CSRNP3: variants seen among roughly 807,000 people sequenced by gnomAD.
The protein encoded by CSRNP3 is cysteine/serine-rich nuclear protein 3.
A neutral mutation model predicts 48.0 loss-of-function variants in CSRNP3; 12 were observed. The ratio of observed to expected loss-of-function variants is 0.25; its 90% CI spans 0.16 to 0.41. The LOEUF (loss-of-function observed/expected upper bound fraction) is 0.41, where lower values mean the gene tolerates loss of function less well. CSRNP3 is among the 10% of genes least tolerant of loss of function. The probability of loss-of-function intolerance (pLI) is 1.00; values close to 1 mark genes in which losing one functional copy is unlikely to be tolerated. For synonymous variants in CSRNP3, 263 were observed against 269.7 expected (o/e 0.98, Z 0.24); for missense variants, 580 against 724.4 (o/e 0.80, Z 2.29).
chr2:165,658,093 T>C (rs1687036479), intron 5 of CSRNP3, 73 bp downstream of exon 5: 25 of 1,490,898 alleles, frequency 1.7e-5, no homozygotes, highest in Non-Finnish European at 2.3e-5. Flanking sequence ...CATTTTCATA[T>C]TTATAATCAC....
intron 2 of CSRNP3, among the ~76,000 whole-genome samples, chr2:165,501,563 G>C (rs551804677): frequency 6.6e-6 from 1 of 152,092 alleles, no homozygotes; most frequent in Non-Finnish European, 1.5e-5. Context: ...TCAGAATAGC[G>C]AGTGTTATTG....
At chr2:165,495,930 G>T (rs1207437967) in intron 2 of CSRNP3, among the ~76,000 whole-genome samples, 1 of 151,764 alleles carries the variant, frequency 6.6e-6, no homozygotes, top group African/African-American at 2.4e-5. Flanking sequence ...AGCCGATATG[G>T]CACATGTATA....
At position 165,657,828 on chromosome 2, in the gene CSRNP3, G is replaced by A. The variant is rs1687030897; in HGVS notation, c.216G>A (p.Val72=). The change falls in exon 5 of 7, where the codon GTG becomes GTA. Residue 72 remains valine (V), a synonymous_variant. Transcript: ENST00000651982. ...ATGTACATTTTAGTTGTGTCACCGT[G>A]TACTACTTCACCAGGAGGCAAGGCT... ...TKNVHFSCVT[V]YYFTRRQGFT... is the part of the protein sequence containing the mutation. The A allele has an allele frequency of 6.2e-7, 1 of 1,614,096 alleles. No individual in the cohort carries two copies. Among genetic ancestry groups the A allele is most frequent in the Non-Finnish European group, 8.5e-7 (1 of 1,180,018 alleles).
chr2:165,597,632 T>C (rs1685834866), intron 4 of CSRNP3, among the ~76,000 whole-genome samples: 1 of 152,118 alleles, frequency 6.6e-6, no homozygotes, highest in African/African-American at 2.4e-5. Flanking sequence ...TTAAACTTAT[T>C]TGCTATTTAA....
chr2:165,618,898 G>A (rs1686293810), intron 4 of CSRNP3, among the ~76,000 whole-genome samples: 1 of 152,190 alleles, frequency 6.6e-6, no homozygotes, highest in African/African-American at 2.4e-5. Context: ...TTTTAATTAT[G>A]TGGTGTGAAT....
chr2:165,536,660 T>G (rs1278958234), intron 3 of CSRNP3, among the ~76,000 whole-genome samples: 3 of 151,864 alleles, frequency 2.0e-5, no homozygotes, highest in African/African-American at 7.2e-5. Flanking sequence ...CTCAATGCAG[T>G]GAATAGAAAA....
intron 4 of CSRNP3, among the ~76,000 whole-genome samples, chr2:165,628,519 T>A (rs1434805725): frequency 1.3e-5 from 2 of 150,996 alleles, no homozygotes; most frequent in African/African-American, 4.9e-5. Flanking sequence ...AGGTCAGGAG[T>A]TCAAGACCAG....
At chr2:165,641,425 A>G (rs1012596835) in intron 4 of CSRNP3, among the ~76,000 whole-genome samples, 2 of 152,250 alleles carry the variant, frequency 1.3e-5, no homozygotes, top group Non-Finnish European at 2.9e-5. Context: ...TGGGAACAGT[A>G]ATAGTCCTTT....
chr2:165,605,138 T>C (rs2105305025), intron 4 of CSRNP3, among the ~76,000 whole-genome samples: 1 of 152,292 alleles, frequency 6.6e-6, no homozygotes, highest in South Asian at 2.1e-4. Context: ...CATCTTTCAA[T>C]CATTTTCAAT....
intron 1 of CSRNP3, among the ~76,000 whole-genome samples, chr2:165,477,487 TATATATATATAATACAA>T (rs1204530296): frequency 8.0e-6 from 1 of 124,302 alleles, no homozygotes; most frequent in Non-Finnish European, 1.7e-5. Context: ...ATATGAAATA[TATATATATATAATACAA>T]ATATATATAT....
At chr2:165,606,362 GC>G (rs1400960339) in intron 4 of CSRNP3, among the ~76,000 whole-genome samples, 1 of 126,308 alleles carries the variant, frequency 7.9e-6, no homozygotes, top group East Asian at 2.2e-4. Flanking sequence ...AAGAGCTAAT[GC>G]AGCAAAAAAA....
intron 3 of CSRNP3, among the ~76,000 whole-genome samples, chr2:165,535,422 C>T (rs1214796009): frequency 6.6e-6 from 1 of 151,454 alleles, no homozygotes; most frequent in African/African-American, 2.4e-5. Flanking sequence ...ACCTTGTCAT[C>T]TCAGCCTTAA....
intron 4 of CSRNP3, among the ~76,000 whole-genome samples, chr2:165,644,886 T>C (rs904870533): frequency 3.9e-5 from 6 of 152,158 alleles, no homozygotes; most frequent in African/African-American, 1.4e-4. Context: ...ACAGCAGAAA[T>C]TTATTTCTCA....
chr2:165,594,776 A>G (rs549165856), intron 3 of CSRNP3, among the ~76,000 whole-genome samples: 127 of 152,328 alleles, frequency 8.3e-4, no homozygotes, highest in African/African-American at 2.5e-3. Context: ...TTTGCCAATA[A>G]AAAGGAATAA....
At chr2:165,631,005 C>A (rs1430524182) in intron 4 of CSRNP3, among the ~76,000 whole-genome samples, 4 of 152,108 alleles carry the variant, frequency 2.6e-5, no homozygotes. Flanking sequence ...TCATTATGTT[C>A]AAAAATAAGA....
intron 4 of CSRNP3, among the ~76,000 whole-genome samples, chr2:165,639,129 A>G (rs1208784638): frequency 2.6e-5 from 4 of 152,216 alleles, no homozygotes; most frequent in Non-Finnish European, 2.9e-5. Flanking sequence ...TATTTTCTCT[A>G]TATGACACAT....
chr2:165,663,008 A>T (rs957041740), intron 5 of CSRNP3, among the ~76,000 whole-genome samples: 3 of 151,918 alleles, frequency 2.0e-5, no homozygotes, highest in Admixed American at 6.6e-5. Context: ...CTCTACATAA[A>T]TTTTTTTCAT....
intron 4 of CSRNP3, among the ~76,000 whole-genome samples, chr2:165,643,255 A>G (rs927258596): frequency 6.6e-6 from 1 of 152,220 alleles, no homozygotes; most frequent in Non-Finnish European, 1.5e-5. Context: ...CTGAGGATAA[A>G]AAGAATGTAC....
chr2:165,582,054 A>G (rs1000728847), intron 3 of CSRNP3, among the ~76,000 whole-genome samples: 4 of 152,188 alleles, frequency 2.6e-5, no homozygotes, highest in African/African-American at 9.7e-5. Context: ...ATACAGTCTA[A>G]TAAGTACTGA....
Sources: allele counts gnomAD v4.1 joint callset (sites outside exome capture counted in the v4.1 genomes callset), GRCh38; gene constraint gnomAD v4.1.1; transcripts MANE v1.5; gene names NCBI Gene and HGNC (gene_info 2026-07-23, HGNC 2026-07-21).